DMD: variants seen among roughly 807,000 people sequenced by gnomAD.
The protein encoded by DMD is mutant dystrophin.
DMD carries 63 observed loss-of-function variants against 330.1 expected under a neutral mutation model. The ratio of observed to expected loss-of-function variants is 0.19; its 90% confidence interval spans 0.16 to 0.24. The LOEUF is 0.24. Ranked by LOEUF, DMD falls within the 10% of genes least tolerant of loss-of-function variation. The pLI, the probability that DMD is intolerant of heterozygous loss-of-function variation, is 1.00. For missense variants in DMD, 3,344 were observed against 2,684.1 expected, an observed-to-expected ratio of 1.25 and a Z score of -5.43; for synonymous variants, 1,223 against 959.8, an observed-to-expected ratio of 1.27 and a Z score of -5.07.
chrX:32,210,596 T>C (rs2097089939), intron 44 of DMD, among the ~76,000 whole-genome samples: 1 of 112,074 alleles, frequency 8.9e-6, no homozygotes, highest in Admixed American at 9.5e-5. Context: ...TTCTAGATTA[T>C]CCTTTAATTC....
intron 47 of DMD, among the ~76,000 whole-genome samples, chrX:31,894,417 T>C (rs1489259262): frequency 9.0e-6 from 1 of 111,540 alleles, no homozygotes; most frequent in Non-Finnish European, 1.9e-5. Context: ...ACATTCCCGA[T>C]GATGTGGCAA....
At chrX:32,544,673 T>C (rs1198445713) in intron 17 of DMD, among the ~76,000 whole-genome samples, 2 of 110,847 alleles carry the variant, frequency 1.8e-5, no homozygotes, top group East Asian at 5.6e-4. Context: ...ATGTGTTCTG[T>C]AATTACTCCT....
At chrX:33,187,292 G>A (rs2050305615) in intron 1 of DMD, among the ~76,000 whole-genome samples, 1 of 112,360 alleles carries the variant, frequency 8.9e-6, no homozygotes, top group Non-Finnish European at 1.9e-5. Context: ...GCCCAACATT[G>A]CCTAAACATT....
intron 30 of DMD, among the ~76,000 whole-genome samples, chrX:32,392,476 T>A (rs1334567599): frequency 2.7e-5 from 3 of 110,717 alleles, no homozygotes; most frequent in African/African-American, 9.9e-5. Flanking sequence ...GTCAGGATGG[T>A]CTCGAATGCC....
At chrX:32,185,171 C>T in intron 44 of DMD, among the ~76,000 whole-genome samples, 1 of 111,348 alleles carries the variant, frequency 9.0e-6, no homozygotes, top group Non-Finnish European at 1.9e-5. Context: ...GAATATAATT[C>T]TGAACTCCCT....
At chrX:32,886,463 T>C (rs1458002567) in intron 2 of DMD, among the ~76,000 whole-genome samples, 2 of 110,269 alleles carry the variant, frequency 1.8e-5, no homozygotes, top group Admixed American at 9.7e-5. Context: ...GTGGGAAGAT[T>C]ACAAGGTCAG....
intron 1 of DMD, among the ~76,000 whole-genome samples, chrX:33,282,274 A>G (rs186587491): frequency 8.9e-6 from 1 of 111,986 alleles, no homozygotes; most frequent in Non-Finnish European, 1.9e-5. Flanking sequence ...TTCTGCAGGT[A>G]TGAAGAGGCT....
At chrX:33,253,941 A>C (rs899767458) in intron 1 of DMD, among the ~76,000 whole-genome samples, 1 of 111,195 alleles carries the variant, frequency 9.0e-6, no homozygotes, top group Non-Finnish European at 1.9e-5. Context: ...AATAGTTTCC[A>C]AACTAAACTC....
chrX:31,344,640 C>A (rs954461994), intron 61 of DMD, among the ~76,000 whole-genome samples: 4 of 110,243 alleles, frequency 3.6e-5, no homozygotes, highest in African/African-American at 1.3e-4. Context: ...CTTGAGGCCA[C>A]AAGTTCGAGA....
chrX:33,278,791 T>C (rs1049536413), intron 1 of DMD, among the ~76,000 whole-genome samples: 2 of 111,280 alleles, frequency 1.8e-5, no homozygotes, highest in Non-Finnish European at 3.8e-5. Context: ...TAATTTACAC[T>C]CCCACAAACA....
Position 32,651,100 on chromosome X carries a change from A to G in DMD, c.961-5948T>C, listed in dbSNP as rs926341335. On this transcript the variant is annotated intron_variant, in intron 9 of 78. Coordinates refer to ENST00000357033, the MANE Select transcript of DMD (RefSeq NM_004006.3). ...CTTTAAATGAAGAAAATGAATTAAG[A>G]GTCTAAGCAACAGCACTTTTAAAAA... Among the ~76,000 whole-genome samples, 91 of 110,391 alleles carry G rather than the reference A, an allele frequency of 8.2e-4. 1 individual carries two copies. The highest frequency in any genetic ancestry group is 2.9e-3 in the African/African-American group (85 of 29,805).
chrX:31,158,823 A>G (rs965058101), intron 74 of DMD, among the ~76,000 whole-genome samples: 1 of 112,206 alleles, frequency 8.9e-6, no homozygotes, highest in Non-Finnish European at 1.9e-5. Context: ...TGGTATGCAC[A>G]TGTCTTCAGA....
At chrX:31,742,998 A>C (rs1234896211) in intron 51 of DMD, among the ~76,000 whole-genome samples, 1 of 111,928 alleles carries the variant, frequency 8.9e-6, no homozygotes, top group African/African-American at 3.3e-5. Flanking sequence ...CAATTCAACA[A>C]GTCAAAAACA....
chrX:31,385,047 T>C (rs1327048910), intron 60 of DMD, among the ~76,000 whole-genome samples: 5 of 112,232 alleles, frequency 4.5e-5, no homozygotes, highest in Non-Finnish European at 7.5e-5. Flanking sequence ...AACATTAGGC[T>C]TTCCAAAAAT....
intron 15 of DMD, among the ~76,000 whole-genome samples, chrX:32,569,839 C>T (rs981914752): frequency 9.0e-6 from 1 of 111,116 alleles, no homozygotes; most frequent in Admixed American, 9.7e-5. Context: ...CGCCAACAGT[C>T]CCCACAGCAG....
At chrX:32,756,418 G>C (rs1376517115) in intron 7 of DMD, 1 of 111,486 alleles carries the variant, frequency 9.0e-6, no homozygotes, top group Non-Finnish European at 1.9e-5. Flanking sequence ...AGTCGAATAT[G>C]GTTTTTGATG....
At chrX:31,433,460 C>CT (rs758507823) in intron 60 of DMD, among the ~76,000 whole-genome samples, 5,845 of 97,950 alleles carry the variant, frequency 0.06, 326 homozygotes, top group African/African-American at 0.16. Flanking sequence ...TTCTTTCTTT[C>CT]TTTTTTTTTT....
intron 17 of DMD, among the ~76,000 whole-genome samples, chrX:32,518,948 T>G (rs191494851): frequency 9.2e-6 from 1 of 108,207 alleles, no homozygotes; most frequent in Admixed American, 1.0e-4. Context: ...TTGGTGTGAG[T>G]TGTTATGCTG....
At chrX:32,388,926 G>A (rs1466966855) in intron 32 of DMD, among the ~76,000 whole-genome samples, 1 of 111,357 alleles carries the variant, frequency 9.0e-6, no homozygotes, top group Non-Finnish European at 1.9e-5. Flanking sequence ...TATACTTTAG[G>A]CTATTTGTAC....
Sources: allele counts gnomAD v4.1 joint callset (sites outside exome capture counted in the v4.1 genomes callset), GRCh38; gene constraint gnomAD v4.1.1; transcripts MANE v1.5; gene names NCBI Gene and HGNC (gene_info 2026-07-23, HGNC 2026-07-21).